The following DIDO1 variants were observed in gnomAD, a reference collection of about 807,000 sequenced individuals.
DIDO1 encodes death inducer-obliterator 1, also known as death-inducer obliterator 1.
In DIDO1, 16 loss-of-function variants were observed where a neutral mutation model predicts 99.4. The observed-to-expected ratio is 0.16, with a 90% confidence interval of 0.11 to 0.24. The LOEUF is 0.24. DIDO1 is among the 10% of genes least tolerant of loss of function. The probability of loss-of-function intolerance (pLI) is 1.00; values close to 1 mark genes in which losing one functional copy is unlikely to be tolerated. For missense variants in DIDO1, 2,996 were observed against 3,014.0 expected (o/e 0.99, Z 0.14); for synonymous variants, 1,366 against 1,239.1 (o/e 1.10, Z -2.15).
chr20:62,896,422 A>G lies in DIDO1; in HGVS notation c.2055-30T>C. On this transcript the variant is annotated intron_variant, in intron 7 of 15. Coordinates refer to ENST00000395343, the MANE Select transcript of DIDO1 (RefSeq NM_001193369.2). The surrounding 1 kb of genome is among the most constrained non-coding windows in gnomAD (Gnocchi z 4.4). ...ACAGAATAAAAAAAAGGAACTACAT[A>G]AGACACTTGTGTATATTAAACTTTT... 6.2e-7 allele frequency: 1 copy of G among 1,602,930 alleles called. No homozygotes were observed. Among genetic ancestry groups the G allele is most frequent in the East Asian group, 2.2e-5 (1 of 44,856 alleles).
In DIDO1 at chr20:62,880,757, G is replaced by A. The variant is rs756221111; in HGVS notation, c.5199C>T (p.Thr1733=). The A allele has an allele frequency of 4.8e-5, 77 of 1,612,592 alleles. No individual in the cohort carries two copies. In the South Asian group the frequency reaches 6.7e-4, roughly 14 times the overall value. Residue 1733 remains threonine (T), a synonymous_variant, in exon 16 of 16, where the codon ACC becomes ACT. Coordinates refer to ENST00000395343, the MANE Select transcript of DIDO1 (RefSeq NM_001193369.2). ...REPQARPGEG[T]APLPPPGQKV... is the part of the protein sequence containing the mutation. ...TCTGTCCTGGTGGGGGGAGCGGGGC[G>A]GTGCCCTCGCCGGGTCTGGCCTGTG...
chr20:62,930,687 A>C (rs1568895060), upstream of DIDO1, among the ~76,000 whole-genome samples: 1 of 152,230 alleles, frequency 6.6e-6, no homozygotes, highest in African/African-American at 2.4e-5. Context: ...TGTAATTAGA[A>C]TTATGGACAG....
chr20:62,880,360 C>A lies in DIDO1; in HGVS notation c.5596G>T (p.Ala1866Ser), dbSNP rs746504551. The A allele has an allele frequency of 2.0e-5, 33 of 1,612,702 alleles. 1 individual carries two copies. The highest frequency in any genetic ancestry group is 1.2e-4 in the Admixed American group (7 of 60,006). The change falls in exon 16 of 16, where the codon GCC becomes TCC. Residue 1866 changes from alanine (A) to serine (S), a missense_variant. By Grantham distance (99) the Ala-to-Ser change is moderately conservative. This residue lies in a region of DIDO1 where 1,562 missense variants were observed against 1,412.6 expected (regional missense o/e 1.11). Transcript: ENST00000395343. The part of the protein sequence containing the change: ...QDAPYNEVTG[A>S]PAQFEGTEQA... ...TCTGTCCCTTCAAACTGGGCGGGGGCGCCCGTCACCTCGTTATACGGGGCG... is the reference window on the plus strand; with the variant it reads ...TCTGTCCCTTCAAACTGGGCGGGGGAGCCCGTCACCTCGTTATACGGGGCG...
At chr20:62,937,899 T>C (rs1350466880) in exon 1 of DIDO1, 1 of 398,204 alleles carries the variant, frequency 2.5e-6, no homozygotes, top group Non-Finnish European at 4.4e-6. Context: ...GCCTTTTGAC[T>C]CTGGCGCCAA....
intron 15 of DIDO1, among the ~76,000 whole-genome samples, chr20:62,883,853 A>T (rs936559205): frequency 6.6e-6 from 1 of 151,718 alleles, no homozygotes; most frequent in African/African-American, 2.4e-5. Flanking sequence ...CAAAAAACAA[A>T]AATTAGCCAG....
chr20:62,884,817 C>T (rs2064272004), intron 15 of DIDO1, among the ~76,000 whole-genome samples: 1 of 152,170 alleles, frequency 6.6e-6, no homozygotes, highest in Non-Finnish European at 1.5e-5. Flanking sequence ...CCTCTTCACT[C>T]TCTGTCCCCC....
Position 62,904,812 on chromosome 20 carries a change from C to A in DIDO1, c.1588+1075G>T, listed in dbSNP as rs897980574. Among the ~76,000 whole-genome samples the A allele has an allele frequency of 9.8e-4, 101 of 102,862 alleles. 1 individual carries two copies. The highest frequency in any genetic ancestry group is 2.8e-3 in the African/African-American group (81 of 29,304). The allele number at this position is 102,862 out of a possible 152,430, so 67.5% of individuals were successfully genotyped here. On this transcript the variant is annotated intron_variant, in intron 6 of 15. Transcript: ENST00000395343. ...AAAAAAAAAAAAAAAAAAAAAGTGT[C>A]TTTTTTGTAAGGCACACCAGACCTA...
intron 6 of DIDO1, among the ~76,000 whole-genome samples, chr20:62,904,112 C>T (rs2064746719): frequency 6.6e-6 from 1 of 152,222 alleles, no homozygotes; most frequent in Non-Finnish European, 1.5e-5. Flanking sequence ...CTGAAATTAT[C>T]ACCCACTTAT....
chr20:62,905,211 A>G (rs2064773567), intron 6 of DIDO1: 5 of 1,155,868 alleles, frequency 4.3e-6, no homozygotes, highest in Non-Finnish European at 5.3e-6. Flanking sequence ...AGTCCAAGGC[A>G]CGCGTCCTGC....
chr20:62,900,736 G>A (rs1010464564), intron 6 of DIDO1, among the ~76,000 whole-genome samples: 19 of 152,180 alleles, frequency 1.2e-4, no homozygotes, highest in African/African-American at 4.1e-4. Context: ...GCCCTGTCGC[G>A]GTACTGCTGG....
intron 12 of DIDO1, among the ~76,000 whole-genome samples, chr20:62,893,453 T>C (rs2064441259): frequency 6.6e-6 from 1 of 152,200 alleles, no homozygotes; most frequent in Admixed American, 6.5e-5. Flanking sequence ...GCAACAAAAC[T>C]GGATGAGCAC....
At chr20:62,920,504 G>T (rs1048513985) in intron 1 of DIDO1, among the ~76,000 whole-genome samples, 1 of 152,296 alleles carries the variant, frequency 6.6e-6, no homozygotes, top group East Asian at 1.9e-4. Context: ...TGCCCCAAGG[G>T]GCAAGCACAT....
chr20:62,926,525 G>GC (rs200203538), upstream of DIDO1: 1 of 151,844 alleles, frequency 6.6e-6, no homozygotes, highest in Non-Finnish European at 1.5e-5. Flanking sequence ...CTAGAGCGGC[G>GC]CCCCCGCGCG....
At position 62,878,059 on chromosome 20, in the gene DIDO1, A is replaced by C. The variant is rs2064137392; in HGVS notation, c.*1174T>G. The C allele has an allele frequency of 6.6e-6, 1 of 152,230 alleles. No homozygotes were observed. The highest frequency in any genetic ancestry group is 2.4e-5 in the African/African-American group (1 of 41,452). 9.4% of individuals were successfully genotyped at this position (152,230 alleles called of 1,614,324 possible). On this transcript the variant is annotated 3_prime_UTR_variant, in exon 16 of 16. Transcript: ENST00000395343. Reference sequence around the variant, plus strand: ...TACATTCTCAATGTTTTCTTAACTTAAAAAATCTGTGCTATAAAGTGAAAA... The same window carrying C: ...TACATTCTCAATGTTTTCTTAACTTCAAAAATCTGTGCTATAAAGTGAAAA...
chr20:62,919,100 G>GA (rs972876269), intron 1 of DIDO1, among the ~76,000 whole-genome samples: 1 of 152,156 alleles, frequency 6.6e-6, no homozygotes, highest in African/African-American at 2.4e-5. Flanking sequence ...CACCAAACAG[G>GA]AAAGAGATTT....
intron 1 of DIDO1, among the ~76,000 whole-genome samples, chr20:62,923,447 T>C (rs1397157905): frequency 2.6e-5 from 4 of 152,164 alleles, no homozygotes; most frequent in African/African-American, 9.7e-5. Flanking sequence ...GTGCTGGGAT[T>C]CCAGGCACGA....
chr20:62,928,307 T>C (rs1050157321), upstream of DIDO1, among the ~76,000 whole-genome samples: 1 of 152,050 alleles, frequency 6.6e-6, no homozygotes, highest in African/African-American at 2.4e-5. Context: ...CAGGAAAACA[T>C]GAGGAAAGGG....
rs554832564 is a variant in DIDO1 at position 62,923,323 on chromosome 20, G to A, written c.-200+3116C>T. 2.1e-4 allele frequency among the ~76,000 whole-genome samples: 32 copies of A among 152,176 alleles called. No homozygotes were observed. In the South Asian group the frequency reaches 4.4e-3, roughly 21 times the overall value. The stretch of plus-strand genomic sequence containing the variant: ...CCCAAGTAGCTGGGATTACAGGCAC[G>A]TACCACCACACCCAGCTAATTTTTG... On this transcript the variant is annotated intron_variant, in intron 1 of 15. Transcript: ENST00000395343.
intron 6 of DIDO1, among the ~76,000 whole-genome samples, chr20:62,898,179 T>C (rs945661102): frequency 1.3e-5 from 2 of 152,168 alleles, no homozygotes; most frequent in Admixed American, 6.5e-5. Flanking sequence ...CCGCTTTCAA[T>C]AAATGAGGTA....
Sources: gnomAD v4.1 joint callset for allele counts (sites outside exome capture counted in the v4.1 genomes callset) on GRCh38, gnomAD v4.1.1 for gene constraint, gnomAD v4.1.1 regional missense constraint, Gnocchi (gnomAD v3.1) non-coding constraint, MANE v1.5 for transcripts, NCBI Gene and HGNC (gene_info 2026-07-23, HGNC 2026-07-21) for gene names.